Variants in CNBD1 observed in about 807,000 individuals in gnomAD.
CNBD1 encodes the protein cyclic nucleotide binding domain containing 1.
CNBD1 carries 71 observed loss-of-function variants against 54.4 expected under a neutral mutation model. That is an observed-to-expected ratio of 1.30 (90% CI 1.08 to 1.59). The LOEUF is 1.59. Ranked by LOEUF, CNBD1 falls within the 40% of genes most tolerant of loss-of-function variation. CNBD1 has a pLI of 0.00. For synonymous variants in CNBD1, 182 were observed against 170.7 expected (o/e 1.07, Z -0.51); for missense variants, 659 against 518.0 (o/e 1.27, Z -2.64).
chr8:87,068,577 T>G (rs1392819823), intron 4 of CNBD1, among the ~76,000 whole-genome samples: 1 of 152,072 alleles, frequency 6.6e-6, no homozygotes, highest in Non-Finnish European at 1.5e-5. Context: ...GCTTGTGTTT[T>G]GGTAAGCTAA....
chr8:87,207,453 GACAC>G (rs35603569), intron 5 of CNBD1, among the ~76,000 whole-genome samples: 10 of 148,310 alleles, frequency 6.7e-5, no homozygotes, highest in East Asian at 2.0e-4. Context: ...TATGCACATA[GACAC>G]ACACACACAC....
At chr8:87,228,055 C>T (rs1814550311) in intron 5 of CNBD1, among the ~76,000 whole-genome samples, 1 of 151,926 alleles carries the variant, frequency 6.6e-6, no homozygotes. Flanking sequence ...CTTCTGCATT[C>T]TTCCCGTAGT....
intron 8 of CNBD1, among the ~76,000 whole-genome samples, chr8:87,333,905 C>A (rs1282277745): frequency 2.0e-5 from 3 of 152,198 alleles, no homozygotes; most frequent in Non-Finnish European, 4.4e-5. Flanking sequence ...GGAGGAGTCC[C>A]TCCTTTTCAA....
intron 2 of CNBD1, among the ~76,000 whole-genome samples, chr8:87,412,969 T>C (rs1807773677): frequency 6.6e-6 from 1 of 152,050 alleles, no homozygotes. Context: ...GTCCTGTACC[T>C]GTGAAGATAA....
chr8:87,154,858 T>A (rs1290994970), intron 4 of CNBD1, among the ~76,000 whole-genome samples: 1 of 152,102 alleles, frequency 6.6e-6, no homozygotes, highest in Non-Finnish European at 1.5e-5. Context: ...TCCTTCCAGG[T>A]GAAAGGTACT....
intron 4 of CNBD1, among the ~76,000 whole-genome samples, chr8:86,996,015 A>G (rs950501647): frequency 6.6e-6 from 1 of 152,122 alleles, no homozygotes; most frequent in Non-Finnish European, 1.5e-5. Flanking sequence ...TTATACCCCC[A>G]GTCTAATTTT....
intron 10 of CNBD1, among the ~76,000 whole-genome samples, chr8:87,374,546 ATTAG>A (rs142520371): frequency 0.019 from 2,861 of 151,880 alleles, 90 homozygotes; most frequent in African/African-American, 0.062. Context: ...TATGGAAGAG[ATTAG>A]TTAGAGACTG....
At chr8:87,229,460 T>C (rs919041502) in intron 5 of CNBD1, among the ~76,000 whole-genome samples, 5 of 152,202 alleles carry the variant, frequency 3.3e-5, no homozygotes, top group Admixed American at 2.0e-4. Flanking sequence ...TTAACACCAC[T>C]TTGTGCTCTG....
chr8:87,416,009 A>C (rs1361325352), intron 2 of CNBD1, among the ~76,000 whole-genome samples: 1 of 151,970 alleles, frequency 6.6e-6, no homozygotes, highest in African/African-American at 2.4e-5. Context: ...ACACACACAT[A>C]CACACACAAA....
intron 4 of CNBD1, among the ~76,000 whole-genome samples, chr8:86,951,583 A>T (rs1586157506): frequency 9.5e-6 from 1 of 105,576 alleles, no homozygotes; most frequent in East Asian, 2.3e-4. Flanking sequence ...CCGTCTCACA[A>T]AAAAAAAAAA....
chr8:87,390,502 A>T (rs1341949202), intron 2 of CNBD1, among the ~76,000 whole-genome samples: 1 of 152,214 alleles, frequency 6.6e-6, no homozygotes, highest in African/African-American at 2.4e-5. Flanking sequence ...GCTCATCATC[A>T]CTGGCCATCA....
intron 8 of CNBD1, among the ~76,000 whole-genome samples, chr8:87,342,971 C>T (rs564878224): frequency 1.6e-4 from 24 of 152,248 alleles, no homozygotes; most frequent in South Asian, 2.1e-4. Flanking sequence ...CTGCAGGAGA[C>T]CAGGGCATAT....
rs57101441 is a variant in CNBD1, at chr8:87,121,613, C to G, written c.432-84380C>G. 8.8e-3 allele frequency among the ~76,000 whole-genome samples: 1,337 copies of G among 151,574 alleles called. 24 individuals are homozygous for G. The highest frequency in any genetic ancestry group is 0.028 in the African/African-American group (1,144 of 41,424). On this transcript the variant is annotated intron_variant, in intron 4 of 10. Transcript: ENST00000518476. ...CCTGCTATGCAGTATATCACAAACC[C>G]CCCATTCATCTAAAGCTTTGTACCC...
intron 10 of CNBD1, among the ~76,000 whole-genome samples, chr8:87,370,415 C>T (rs1810754537): frequency 6.6e-6 from 1 of 152,092 alleles, no homozygotes; most frequent in Non-Finnish European, 1.5e-5. Flanking sequence ...TAATGATTGC[C>T]ATTCTAACTG....
intron 4 of CNBD1, among the ~76,000 whole-genome samples, chr8:86,974,463 GA>G (rs1808296268): frequency 6.6e-6 from 1 of 151,990 alleles, no homozygotes; most frequent in South Asian, 2.1e-4. Context: ...TATGTACCAA[GA>G]GACACAAGAT....
Position 87,353,616 on chromosome 8 carries a change from A to G in CNBD1, c.1153-20A>G. On this transcript the variant is annotated intron_variant, in intron 9 of 10. Transcript: ENST00000518476. ...ATGGAAGCAGTTGCATTAAACATCAATAATATATTTTTTTAACAGAAAAGA... is the reference window on the plus strand; with the variant it reads ...ATGGAAGCAGTTGCATTAAACATCAGTAATATATTTTTTTAACAGAAAAGA... 2 of 1,495,878 alleles carry G rather than the reference A, an allele frequency of 1.3e-6. No individual in the cohort carries two copies. The highest frequency in any genetic ancestry group is 1.8e-6 in the Non-Finnish European group (2 of 1,092,112). 92.7% of individuals were successfully genotyped at this position (1,495,878 alleles called of 1,614,324 possible).
rs192118291 is a variant in CNBD1, at chr8:87,275,558, T to C, written c.772-9120T>C. On this transcript the variant is annotated intron_variant, in intron 6 of 10. Transcript: ENST00000518476. ...TAAAAACTCTCAATAAATTAGGTATTGATGGGACGTATCTCAAAATAATAA... is the reference window on the plus strand; with the variant it reads ...TAAAAACTCTCAATAAATTAGGTATCGATGGGACGTATCTCAAAATAATAA... 2.2e-4 allele frequency among the ~76,000 whole-genome samples: 34 copies of C among 151,830 alleles called. 1 individual carries two copies. Among genetic ancestry groups the C allele is most frequent in the Middle Eastern group, 3.4e-3 (1 of 294 alleles).
At chr8:87,173,903 C>T (rs1224798594) in intron 4 of CNBD1, among the ~76,000 whole-genome samples, 2 of 151,580 alleles carry the variant, frequency 1.3e-5, no homozygotes, top group African/African-American at 4.8e-5. Context: ...TAGATTTGCT[C>T]TTTTGATTCT....
At chr8:87,271,986 C>A (rs559754554) in intron 6 of CNBD1, among the ~76,000 whole-genome samples, 9 of 151,702 alleles carry the variant, frequency 5.9e-5, no homozygotes, top group Admixed American at 1.3e-4. Context: ...GATTGTGTAA[C>A]GTAAAGTAAT....
Sources: allele counts gnomAD v4.1 joint callset (sites outside exome capture counted in the v4.1 genomes callset), GRCh38; gene constraint gnomAD v4.1.1; transcripts MANE v1.5; gene names NCBI Gene and HGNC (gene_info 2026-07-23, HGNC 2026-07-21).